Variants in CUL2 observed in about 807,000 individuals in gnomAD.
CUL2 encodes the protein cullin-2.
CUL2 carries 22 observed loss-of-function variants against 110.2 expected under a neutral mutation model. That is an observed-to-expected ratio of 0.20 (90% confidence interval 0.14 to 0.28). CUL2 has a LOEUF of 0.28. CUL2 is among the 10% of genes least tolerant of loss of function. The probability of loss-of-function intolerance (pLI) is 1.00; values close to 1 mark genes in which losing one functional copy is unlikely to be tolerated. For synonymous variants in CUL2, 279 were observed against 293.2 expected, an observed-to-expected ratio of 0.95 and a Z score of 0.49; for missense variants, 631 against 905.5, an observed-to-expected ratio of 0.70 and a Z score of 3.89.
chr10:35,018,236 G>A (rs1192649753), intron 17 of CUL2, among the ~76,000 whole-genome samples: 13 of 129,186 alleles, frequency 1.0e-4, no homozygotes, highest in South Asian at 2.5e-4. Context: ...GCAGTGAGCC[G>A]AGATCGCACC....
intron 2 of CUL2, chr10:35,063,830 G>A (rs910361378): frequency 6.8e-6 from 1 of 147,248 alleles, no homozygotes; most frequent in Admixed American, 7.0e-5. Flanking sequence ...TATAAACCAA[G>A]AAGAACAAAA....
intron 6 of CUL2, among the ~76,000 whole-genome samples, chr10:35,046,406 C>T (rs1482139723): frequency 6.6e-6 from 1 of 152,224 alleles, no homozygotes; most frequent in Admixed American, 6.5e-5. Flanking sequence ...AAGCAAACAT[C>T]TACATATGTG....
chr10:35,021,556 T>C (rs146117281), intron 17 of CUL2, among the ~76,000 whole-genome samples: 350 of 152,158 alleles, frequency 2.3e-3, no homozygotes, highest in African/African-American at 8.1e-3. Flanking sequence ...TATGAATATG[T>C]ATTAAATAAA....
intron 18 of CUL2, among the ~76,000 whole-genome samples, chr10:35,014,842 T>A (rs961088221): frequency 6.6e-6 from 1 of 151,796 alleles, no homozygotes; most frequent in East Asian, 1.9e-4. Context: ...CAAAAATAAA[T>A]AAACATAAAA....
At chr10:35,064,696 T>C (rs2086471685) in intron 2 of CUL2, among the ~76,000 whole-genome samples, 1 of 152,206 alleles carries the variant, frequency 6.6e-6, no homozygotes, top group Non-Finnish European at 1.5e-5. Context: ...CTTTATTTAT[T>C]TATATTTTTA....
At chr10:35,092,518 G>A (rs1050994073), upstream of CUL2, among the ~76,000 whole-genome samples, 2 of 152,238 alleles carry the variant, frequency 1.3e-5, no homozygotes, top group Admixed American at 6.5e-5. Flanking sequence ...GAAATGGGAA[G>A]TACACATGCA....
intron 17 of CUL2, among the ~76,000 whole-genome samples, chr10:35,024,059 T>A (rs866655784): frequency 1.6e-4 from 25 of 152,144 alleles, no homozygotes; most frequent in African/African-American, 5.6e-4. Context: ...GGTCTCAAAC[T>A]CCTGGGATTA....
At chr10:35,092,013 C>G (rs1343128330), upstream of CUL2, among the ~76,000 whole-genome samples, 2 of 152,130 alleles carry the variant, frequency 1.3e-5, no homozygotes, top group African/African-American at 4.8e-5. Flanking sequence ...AGTGCAGTGG[C>G]CTGATCATAG....
At chr10:35,060,799 T>C (rs1721895095) in intron 4 of CUL2, 75 bp downstream of exon 4, 4 of 1,181,898 alleles carry the variant, frequency 3.4e-6, no homozygotes, top group South Asian at 1.3e-5. Context: ...AAATAGGCAA[T>C]AAAAAAATTA....
chr10:35,126,900 G>A (rs1795978110), upstream of CUL2: 1 of 152,154 alleles, frequency 6.6e-6, no homozygotes, highest in African/African-American at 2.4e-5. Context: ...GGCGGAGTTC[G>A]AGCCTGGATT....
intron 17 of CUL2, among the ~76,000 whole-genome samples, chr10:35,019,731 C>G (rs2085136098): frequency 6.6e-6 from 1 of 152,210 alleles, no homozygotes; most frequent in South Asian, 2.1e-4. Flanking sequence ...ATCCAAGTCA[C>G]TCCCCAGTAT....
At chr10:35,065,395 C>G (rs751456199) in intron 2 of CUL2, among the ~76,000 whole-genome samples, 34 of 152,190 alleles carry the variant, frequency 2.2e-4, no homozygotes, top group Non-Finnish European at 4.4e-4. Flanking sequence ...CCAAGGTGGG[C>G]AGATCATGAG....
At chr10:35,098,150 T>C (rs1304688831) in intron 2 of CUL2, 1 of 152,172 alleles carries the variant, frequency 6.6e-6, no homozygotes, top group Non-Finnish European at 1.5e-5. Flanking sequence ...ATAAAAAGTA[T>C]TCTTTTTTAA....
chr10:35,099,083 A>G (rs1211007524), intron 2 of CUL2, among the ~76,000 whole-genome samples: 1 of 152,114 alleles, frequency 6.6e-6, no homozygotes, highest in African/African-American at 2.4e-5. Flanking sequence ...TGGGCTAAGG[A>G]AGGTGGTTGA....
chr10:35,035,028 G>A (rs766511450), intron 10 of CUL2, 144 bp downstream of exon 10: 44 of 1,000,126 alleles, frequency 4.4e-5, no homozygotes, highest in Non-Finnish European at 6.3e-5. Flanking sequence ...ACAAATTCTA[G>A]GTTTAAAACA....
At chr10:35,103,565 C>T (rs1002053311) in intron 1 of CUL2, among the ~76,000 whole-genome samples, 16 of 151,802 alleles carry the variant, frequency 1.1e-4, no homozygotes, top group Non-Finnish European at 1.9e-4. Context: ...CCTCGTGATC[C>T]GCCCGTCTCG....
At chr10:35,033,513 G>A (rs2085530151) in intron 10 of CUL2, among the ~76,000 whole-genome samples, 1 of 151,932 alleles carries the variant, frequency 6.6e-6, no homozygotes, top group African/African-American at 2.4e-5. Flanking sequence ...GAGGCGGGCG[G>A]ATCATGAGGT....
At chr10:35,089,821 C>CA (rs2087160991) in intron 1 of CUL2, 1 of 144,160 alleles carries the variant, frequency 6.9e-6, no homozygotes, top group Admixed American at 6.8e-5. Flanking sequence ...CCCCCCCCCA[C>CA]ACACACACAC....
At chr10:35,040,495 G>A (rs2085756658) in intron 8 of CUL2, among the ~76,000 whole-genome samples, 1 of 152,180 alleles carries the variant, frequency 6.6e-6, no homozygotes, top group African/African-American at 2.4e-5. Context: ...GTTGGCCTGG[G>A]CACAAGGAGT....
Sources: gnomAD v4.1 joint callset for allele counts (sites outside exome capture counted in the v4.1 genomes callset) on GRCh38, gnomAD v4.1.1 for gene constraint, MANE v1.5 for transcripts, NCBI Gene and HGNC (gene_info 2026-07-23, HGNC 2026-07-21) for gene names.